Variants in PDE2A observed in about 807,000 individuals in gnomAD.
PDE2A encodes cGMP-dependent 3',5'-cyclic phosphodiesterase.
PDE2A carries 53 observed loss-of-function variants against 133.6 expected under a neutral mutation model. That is an observed-to-expected ratio of 0.40 (90% CI 0.32 to 0.50). The LOEUF (loss-of-function observed/expected upper bound fraction) is 0.50. PDE2A is among the 20% of genes least tolerant of loss of function. The probability of loss-of-function intolerance (pLI) is 0.73; values close to 1 mark genes in which losing one functional copy is unlikely to be tolerated. For synonymous variants in PDE2A, 491 were observed against 490.2 expected (o/e 1.00, Z -0.02); for missense variants, 796 against 1,232.4 (o/e 0.65, Z 5.30).
chr11:72,597,534 C>T lies in PDE2A; in HGVS notation c.409G>A (p.Ala137Thr). The T allele has an allele frequency of 1.9e-6, 3 of 1,608,914 alleles. No individual in the cohort carries two copies. The highest frequency in any genetic ancestry group is 2.2e-5 in the South Asian group (2 of 91,040). ...LPGKPLARLV[A>T]PLAPDTQVLV... ...CCTTGGGTATCAGGAGCCAGTGGAGCCACCAGCCTGGCCAAGGGCTTCCCT... is the reference window on the plus strand; with the variant it reads ...CCTTGGGTATCAGGAGCCAGTGGAGTCACCAGCCTGGCCAAGGGCTTCCCT... The change falls in exon 5 of 31, where the codon GCT (alanine) becomes ACT (threonine). Residue 137 changes from alanine to threonine, a missense_variant. Transcript: ENST00000334456. This position sits in a 1 kb window ranked among gnomAD's most constrained non-coding sequence, Gnocchi z 4.6.
intron 2 of PDE2A, among the ~76,000 whole-genome samples, chr11:72,629,437 C>T (rs1858260001): frequency 1.3e-5 from 2 of 152,240 alleles, no homozygotes; most frequent in African/African-American, 2.4e-5. Context: ...TGGCGGGTGG[C>T]CGAGGCTGCT....
chr11:72,582,434 A>G lies in PDE2A; in HGVS notation c.1851+10T>C, dbSNP rs766596201. The G allele has an allele frequency of 3.1e-6, 5 of 1,613,112 alleles. No homozygotes were observed. The Admixed American group carries it at 8.3e-5, about 27-fold the overall frequency. On this transcript the variant is annotated intron_variant, in intron 21 of 30. Transcript: ENST00000334456. The stretch of plus-strand genomic sequence containing the variant: ...CGGCCTGGCCAGTCAAGTGGAGGAG[A>G]GCAACTCACCATGGACGTGTCATCC...
intron 2 of PDE2A, among the ~76,000 whole-genome samples, chr11:72,620,777 C>T (rs55738331): frequency 0.15 from 22,818 of 151,638 alleles, 1,793 homozygotes; most frequent in East Asian, 0.21. Flanking sequence ...TGGAGGCTGA[C>T]AGTGGTAAGG....
chr11:72,627,393 TA>T (rs1858135151), intron 2 of PDE2A, among the ~76,000 whole-genome samples: 2 of 151,956 alleles, frequency 1.3e-5, no homozygotes, highest in Admixed American at 1.3e-4. Context: ...CGGCCTGAGG[TA>T]GAGGGACCAG....
intron 6 of PDE2A, among the ~76,000 whole-genome samples, chr11:72,594,465 GA>G (rs1453158810): frequency 6.6e-6 from 1 of 152,148 alleles, no homozygotes; most frequent in Non-Finnish European, 1.5e-5. Context: ...GCATCCTAGG[GA>G]AGTGCATTTA....
At chr11:72,651,498 G>C (rs1008118560) in intron 1 of PDE2A, among the ~76,000 whole-genome samples, 5 of 152,110 alleles carry the variant, frequency 3.3e-5, no homozygotes, top group African/African-American at 1.2e-4. Context: ...GGTCTGGGGG[G>C]GTGACTCGGT....
At chr11:72,589,874 C>T (rs367782834) in intron 10 of PDE2A, 33 bp downstream of exon 10, 6 of 1,608,712 alleles carry the variant, frequency 3.7e-6, no homozygotes, top group African/African-American at 2.7e-5. Flanking sequence ...CGCCCAGCCC[C>T]GCCCCCGCTC....
chr11:72,608,170 C>T (rs1857052760), intron 3 of PDE2A, among the ~76,000 whole-genome samples: 1 of 152,168 alleles, frequency 6.6e-6, no homozygotes, highest in South Asian at 2.1e-4. Flanking sequence ...TAAAAGGCTG[C>T]TAGAGGCCAT....
Position 72,589,223 on chromosome 11 carries a change from G to A in PDE2A, c.891C>T (p.Gly297=). 1 of 1,613,604 alleles carries A rather than the reference G, an allele frequency of 6.2e-7. No homozygotes were observed. The highest frequency in any genetic ancestry group is 8.5e-7 in the Non-Finnish European group (1 of 1,179,650). The change falls in exon 12 of 31, where the codon GGC becomes GGT. Residue 297 remains glycine, a synonymous_variant. Coordinates refer to ENST00000334456, the MANE Select transcript of PDE2A (RefSeq NM_002599.5). ...TGGACTTCTTGTCTTCCACCACCTG[G>A]CCCAGGCATCCTGTCAACTAGGGGG... ...EVSFPLTGCL[G]QVVEDKKSIQ...
intron 20 of PDE2A, 58 bp from the exon 21 acceptor site, chr11:72,582,624 C>A (rs200588072): frequency 1.3e-6 from 2 of 1,516,164 alleles, no homozygotes; most frequent in Admixed American, 1.9e-5. Context: ...GGTGTCTTCA[C>A]CCTCAAATTC....
intron 1 of PDE2A, among the ~76,000 whole-genome samples, chr11:72,644,302 G>A (rs539848105): frequency 3.4e-4 from 52 of 152,266 alleles, no homozygotes; most frequent in African/African-American, 1.2e-3. Flanking sequence ...TCCAAACAGG[G>A]GCAATTCATC....
chr11:72,606,496 C>G (rs1022213816), intron 3 of PDE2A, among the ~76,000 whole-genome samples: 2 of 152,204 alleles, frequency 1.3e-5, no homozygotes, highest in African/African-American at 2.4e-5. Flanking sequence ...CTGGCCACTA[C>G]TTCCAGAGAC....
At chr11:72,674,032 G>A (rs1489656661) in intron 1 of PDE2A, 105 bp downstream of exon 1, 11 of 1,128,042 alleles carry the variant, frequency 9.8e-6, no homozygotes, top group African/African-American at 1.5e-5. Context: ...ATCCTTCCAC[G>A]TGGCTCAGCT....
Position 72,597,550 on chromosome 11 carries a change from G to C in PDE2A, c.393C>G (p.Pro131=). 4 of 1,611,286 alleles carry C rather than the reference G, an allele frequency of 2.5e-6. No homozygotes were observed. The highest frequency in any genetic ancestry group is 2.5e-6 in the Non-Finnish European group (3 of 1,179,734). ...CCAGTGGAGCCACCAGCCTGGCCAA[G>C]GGCTTCCCTGGCAGGTCTGAGAAGC... ...GLGFSDLPGK[P]LARLVAPLAP... is the part of the protein sequence containing the mutation. Residue 131 remains proline (P), a synonymous_variant, in exon 5 of 31, where the codon CCC becomes CCG. Transcript: ENST00000334456. The surrounding 1 kb of genome is among the most constrained non-coding windows in gnomAD (Gnocchi z 4.6).
chr11:72,665,181 T>C (rs1469703627), intron 1 of PDE2A, among the ~76,000 whole-genome samples: 1 of 152,014 alleles, frequency 6.6e-6, no homozygotes, highest in Non-Finnish European at 1.5e-5. Context: ...TTCTCTCCTT[T>C]TCTACCCCAA....
chr11:72,655,688 G>A (rs1854879121), intron 1 of PDE2A, among the ~76,000 whole-genome samples: 1 of 152,158 alleles, frequency 6.6e-6, no homozygotes, highest in Non-Finnish European at 1.5e-5. Flanking sequence ...TCTCTACAGT[G>A]GAGTGATGAA....
intron 2 of PDE2A, chr11:72,630,949 G>T: frequency 4.2e-6 from 3 of 715,334 alleles, no homozygotes; most frequent in Admixed American, 2.2e-5. Context: ...TCCTAGTCTG[G>T]AGGGCTGGGG....
chr11:72,587,250 A>T (rs74791315), intron 13 of PDE2A, among the ~76,000 whole-genome samples: 14,580 of 152,118 alleles, frequency 0.096, 939 homozygotes, highest in Middle Eastern at 0.16. Context: ...GGTCTTTGCT[A>T]ATGTCGTCAG....
At position 72,604,559 on chromosome 11, in the gene PDE2A, T is replaced by C. The variant is rs915850959; in HGVS notation, c.323+579A>G. ...ACACATTTAATCCTCCCCACAATCCTATAAGCACCATTATTATCACCATTT... is the reference window on the plus strand; with the variant it reads ...ACACATTTAATCCTCCCCACAATCCCATAAGCACCATTATTATCACCATTT... On this transcript the variant is annotated intron_variant, in intron 4 of 30. Coordinates refer to ENST00000334456, the MANE Select transcript of PDE2A (RefSeq NM_002599.5). Among the ~76,000 whole-genome samples, 10 of 152,210 alleles carry C rather than the reference T, an allele frequency of 6.6e-5. No individual in the cohort carries two copies. The South Asian group carries it at 1.9e-3, about 28-fold the overall frequency.
Sources: allele counts gnomAD v4.1 joint callset (sites outside exome capture counted in the v4.1 genomes callset), GRCh38; gene constraint gnomAD v4.1.1; non-coding constraint Gnocchi (gnomAD v3.1); transcripts MANE v1.5; gene names NCBI Gene and HGNC (gene_info 2026-07-23, HGNC 2026-07-21).